The following MAP7D1 variants were observed in gnomAD, a reference collection of about 807,000 sequenced individuals.
MAP7D1 encodes the protein MAP7 domain containing 1.
Under a neutral mutation model 97.5 loss-of-function variants are expected in MAP7D1, and 30 were observed. The observed-to-expected ratio is 0.31, with a 90% CI of 0.23 to 0.42. MAP7D1 has a LOEUF of 0.42. MAP7D1 is among the 10% of genes least tolerant of loss of function. The probability of loss-of-function intolerance (pLI) is 1.00; values close to 1 mark genes in which losing one functional copy is unlikely to be tolerated. For synonymous variants in MAP7D1, 536 were observed against 477.1 expected (o/e 1.12, Z -1.61); for missense variants, 1,184 against 1,179.5 (o/e 1.00, Z -0.06).
intron 1 of MAP7D1, among the ~76,000 whole-genome samples, chr1:36,161,041 G>A (rs1032737441): frequency 6.6e-6 from 1 of 152,234 alleles, no homozygotes; most frequent in African/African-American, 2.4e-5. Flanking sequence ...GTCATTTCCT[G>A]CCGCCTAAAA....
rs967255484 is a variant in MAP7D1 at position 36,171,437 on chromosome 1, C to T, written c.392-76C>T. 57 of 1,575,572 alleles carry T rather than the reference C, an allele frequency of 3.6e-5. 1 individual carries two copies. Among genetic ancestry groups the T allele is most frequent in the Non-Finnish European group, 4.3e-5 (49 of 1,149,828 alleles). ...GATAAAGAAAGGATGGGGTGAGGCCCGGAGGGAGGGATCTGAGGCTGACTC... is the reference window on the plus strand; with the variant it reads ...GATAAAGAAAGGATGGGGTGAGGCCTGGAGGGAGGGATCTGAGGCTGACTC... On this transcript the variant is annotated intron_variant, in intron 2 of 16. Transcript: ENST00000474796.
rs1644628662 is a variant in MAP7D1 at position 36,176,638 on chromosome 1, T to C, written c.1233+57T>C. 2.5e-6 allele frequency: 4 copies of C among 1,582,554 alleles called. No homozygotes were observed. In the South Asian group the frequency reaches 3.4e-5, roughly 14 times the overall value. ...CAGGTGGGGACAGGCAGCCTGGAAC[T>C]GGGGTACGCGGGCGCTGCTGACCTC... On this transcript the variant is annotated intron_variant, in intron 7 of 16. Coordinates refer to ENST00000474796, the MANE Select transcript of MAP7D1 (RefSeq NM_001388490.1). The surrounding 1 kb of genome is among the most constrained non-coding windows in gnomAD (Gnocchi z 6.1).
In MAP7D1 at chr1:36,173,419, G is replaced by A. The variant is rs776325598; in HGVS notation, c.680G>A (p.Arg227Gln). The stretch of plus-strand genomic sequence containing the variant: ...GTGAAGAAGACGTGGGCCGAAATCC[G>A]GCAGCAGCGCTGGTCCTGGGCAGGG... ...RSVKKTWAEI[R>Q]QQRWSWAGAL... is the part of the protein sequence containing the mutation. The change falls in exon 5 of 17, where the codon CGG becomes CAG. Residue 227 changes from arginine (R) to glutamine (Q), a missense_variant. Physicochemically the swap from Arg to Gln is conservative, Grantham distance 43. Transcript: ENST00000474796. 12 of 1,613,964 alleles carry A rather than the reference G, an allele frequency of 7.4e-6. No homozygotes were observed. Among genetic ancestry groups the A allele is most frequent in the Admixed American group, 1.7e-5 (1 of 59,972 alleles).
chr1:36,167,491 T>G (rs1375835012), intron 1 of MAP7D1, among the ~76,000 whole-genome samples: 1 of 152,154 alleles, frequency 6.6e-6, no homozygotes, highest in African/African-American at 2.4e-5. Context: ...CATTTCCTCC[T>G]GGCAGAGATG....
chr1:36,173,017 G>A (rs930259289), intron 4 of MAP7D1, among the ~76,000 whole-genome samples: 6 of 152,212 alleles, frequency 3.9e-5, no homozygotes, highest in Non-Finnish European at 5.9e-5. Flanking sequence ...GAGGGCCTCA[G>A]GCTAGAGGGA....
chr1:36,171,659 G>A (rs1255366671), intron 3 of MAP7D1, 78 bp downstream of exon 3: 16 of 1,495,844 alleles, frequency 1.1e-5, no homozygotes, highest in East Asian at 2.3e-5. Context: ...AGGCTGGGGC[G>A]CAGTGGCTCA....
At position 36,178,831 on chromosome 1, in the gene MAP7D1, C is replaced by G. The variant is rs1553185757; in HGVS notation, c.2025+8C>G. 1.9e-6 allele frequency: 3 copies of G among 1,543,852 alleles called. No individual in the cohort carries two copies. Among genetic ancestry groups the G allele is most frequent in the Non-Finnish European group, 1.7e-6 (2 of 1,144,870 alleles). ...GAGCGGCTGCAGAAGCAGGTGCCCC[C>G]GGCGGGCGGGAAGCGGCTGGGCGCG... On this transcript the variant is annotated splice_region_variant and intron_variant, in intron 11 of 16. Coordinates refer to ENST00000474796, the MANE Select transcript of MAP7D1 (RefSeq NM_001388490.1).
At chr1:36,177,359 G>A (rs1055346824) in intron 8 of MAP7D1, 1 of 334,570 alleles carries the variant, frequency 3.0e-6, no homozygotes, top group East Asian at 8.2e-5. Context: ...TAACCACTCA[G>A]TGAATACCTA....
intron 1 of MAP7D1, among the ~76,000 whole-genome samples, chr1:36,158,477 G>A (rs1644366965): frequency 6.6e-6 from 1 of 152,182 alleles, no homozygotes. Flanking sequence ...GTGGTGTGGA[G>A]TAGAGGACAA....
At chr1:36,164,650 A>G (rs1476247231) in intron 1 of MAP7D1, among the ~76,000 whole-genome samples, 2 of 152,150 alleles carry the variant, frequency 1.3e-5, no homozygotes, top group Admixed American at 6.6e-5. Context: ...TCCAAGAAGT[A>G]GGGGGAGGGA....
intron 1 of MAP7D1, among the ~76,000 whole-genome samples, chr1:36,161,212 C>T (rs902784678): frequency 2.0e-5 from 3 of 152,338 alleles, no homozygotes; most frequent in South Asian, 2.1e-4. Context: ...TGCTGGAGCA[C>T]GCTGCCCTCT....
In MAP7D1 at chr1:36,174,909, T is replaced by A; in HGVS notation, c.751T>A (p.Cys251Ser). ...SPGHKTSGSR[C>S]SVSAVNLPKH... ...TTTTCCCCCTCCAGGTGGGAGCAGG[T>A]GCTCCGTGTCGGCAGTTAACCTGCC... The change falls in exon 6 of 17, where the codon TGC becomes AGC. Residue 251 changes from cysteine (C) to serine (S), a missense_variant. Physicochemically the swap from Cys to Ser is moderately radical, Grantham distance 112 (BLOSUM62 -1). Transcript: ENST00000474796. The A allele has an allele frequency of 3.1e-6, 5 of 1,611,886 alleles. No homozygotes were observed. Among genetic ancestry groups the A allele is most frequent in the Non-Finnish European group, 4.2e-6 (5 of 1,178,266 alleles).
Position 36,174,890 on chromosome 1 carries a change from C to G in MAP7D1, c.740-8C>G. On this transcript the variant is annotated splice_polypyrimidine_tract_variant and splice_region_variant and intron_variant, in intron 5 of 16. Coordinates refer to ENST00000474796, the MANE Select transcript of MAP7D1 (RefSeq NM_001388490.1). The stretch of plus-strand genomic sequence containing the variant: ...CCGGCCCTAATGCCGTGTCTTTTCC[C>G]CCTCCAGGTGGGAGCAGGTGCTCCG... The G allele has an allele frequency of 6.3e-7, 1 of 1,584,358 alleles. No homozygotes were observed. Among genetic ancestry groups the G allele is most frequent in the Non-Finnish European group, 8.7e-7 (1 of 1,153,502 alleles).
chr1:36,171,642 C>A, intron 3 of MAP7D1, 61 bp downstream of exon 3: 1 of 1,576,442 alleles, frequency 6.3e-7, no homozygotes, highest in Non-Finnish European at 8.7e-7. Context: ...CTATTAATAA[C>A]ACCAACAGGC....
Position 36,159,426 on chromosome 1 carries a change from G to C in MAP7D1, c.46+2963G>C, listed in dbSNP as rs1644379317. Among the ~76,000 whole-genome samples the C allele has an allele frequency of 6.6e-6, 1 of 152,146 alleles. No individual in the cohort carries two copies. Among genetic ancestry groups the C allele is most frequent in the African/African-American group, 2.4e-5 (1 of 41,428 alleles). On this transcript the variant is annotated intron_variant, in intron 1 of 16. Coordinates refer to ENST00000474796, the MANE Select transcript of MAP7D1 (RefSeq NM_001388490.1). The surrounding 1 kb of genome is among the most constrained non-coding windows in gnomAD (Gnocchi z 5.4). ...GAGATGTGATTGATTAGAATTGTAG[G>C]AGGTAAGTATAGGACAAGAAGGCAG...
chr1:36,176,476 C>A lies in MAP7D1; in HGVS notation c.1128C>A (p.Thr376=). The A allele has an allele frequency of 6.9e-7, 1 of 1,458,378 alleles. No individual in the cohort carries two copies. Among genetic ancestry groups the A allele is most frequent in the Non-Finnish European group, 9.0e-7 (1 of 1,109,830 alleles). The allele number at this position is 1,458,378 out of a possible 1,614,324, so 90.3% of individuals were successfully genotyped here. A position where few individuals can be genotyped will look rare whatever the true frequency, so the allele number is the denominator to read the frequency against. Residue 376 remains threonine, a synonymous_variant, in exon 7 of 17, where the codon ACC becomes ACA. Transcript: ENST00000474796. This position sits in a 1 kb window ranked among gnomAD's most constrained non-coding sequence, Gnocchi z 6.1. ...GCCCCCTGACGCCGTGCAGCGTCAC[C>A]CGAAGCGTGCACCGCTGCGCCCCCG... The part of the protein sequence containing the change: ...SASPLTPCSV[T]RSVHRCAPAG...
rs183442488 is a variant in MAP7D1, at chr1:36,170,765, G to C, written c.47-206G>C. Among the ~76,000 whole-genome samples, 128 of 152,296 alleles carry C rather than the reference G, an allele frequency of 8.4e-4. 2 individuals carry two copies. The highest frequency in any genetic ancestry group is 3.0e-3 in the African/African-American group (124 of 41,556). On this transcript the variant is annotated intron_variant, in intron 1 of 16. Coordinates refer to ENST00000474796, the MANE Select transcript of MAP7D1 (RefSeq NM_001388490.1). ...GCCTAGCTATTTGTCTGTCTGCCCT[G>C]CTAGAGGGTAAGCGCCACAGAGGCA...
rs1644636540 is a variant in MAP7D1 at position 36,176,982 on chromosome 1, CCT to C, written c.1379+143_1379+144del. The C allele has an allele frequency of 6.5e-6, 5 of 768,268 alleles. No homozygotes were observed. The highest frequency in any genetic ancestry group is 1.8e-5 in the African/African-American group (1 of 56,804). The allele number at this position is 768,268 out of a possible 1,614,324, so 47.6% of individuals were successfully genotyped here. On this transcript the variant is annotated intron_variant, in intron 8 of 16. Coordinates refer to ENST00000474796, the MANE Select transcript of MAP7D1 (RefSeq NM_001388490.1). The surrounding 1 kb of genome is among the most constrained non-coding windows in gnomAD (Gnocchi z 6.1). ...TCTGTTTTGTTTGAGACAGGATCTC[CCT>C]CTGTCACCCAGGCTGGAGTGCAGTG... is the stretch of plus-strand genomic sequence containing the variant.
chr1:36,161,714 C>A (rs973133480), intron 1 of MAP7D1, among the ~76,000 whole-genome samples: 3 of 152,102 alleles, frequency 2.0e-5, no homozygotes, highest in African/African-American at 7.2e-5. Context: ...TATAAATATT[C>A]CGGGGACATT....
Sources: gnomAD v4.1 joint callset for allele counts (sites outside exome capture counted in the v4.1 genomes callset) on GRCh38, gnomAD v4.1.1 for gene constraint, Gnocchi (gnomAD v3.1) non-coding constraint, MANE v1.5 for transcripts, NCBI Gene and HGNC (gene_info 2026-07-23, HGNC 2026-07-21) for gene names.